SLC26A7: variants seen among roughly 807,000 people sequenced by gnomAD.
The protein encoded by SLC26A7 is anion exchange transporter.
Under a neutral mutation model 82.5 loss-of-function variants are expected in SLC26A7, and 59 were observed. That is an observed-to-expected ratio of 0.72 (90% CI 0.58 to 0.89). SLC26A7 has a LOEUF of 0.89. SLC26A7 is among the 40% of genes least tolerant of loss of function. The pLI, the probability that SLC26A7 is intolerant of heterozygous loss-of-function variation, is 0.00. For missense variants in SLC26A7, 820 were observed against 793.0 expected (o/e 1.03, Z -0.41); for synonymous variants, 271 against 274.3 (o/e 0.99, Z 0.12).
rs1257841643 is a variant in SLC26A7, at chr8:91,334,404, T to C, written c.752T>C (p.Phe251Ser). 2 of 1,613,202 alleles carry C rather than the reference T, an allele frequency of 1.2e-6. No homozygotes were observed. Among genetic ancestry groups the C allele is most frequent in the East Asian group, 4.5e-5 (2 of 44,818 alleles). The change falls in exon 6 of 19, where the codon TTT (phenylalanine) becomes TCT (serine). Residue 251 changes from phenylalanine to serine, a missense_variant. Phe to Ser is a radical substitution (Grantham distance 155). Transcript: ENST00000276609. ...LVLVKELNEQ[F>S]KRKIKVVLPV... Reference sequence around the variant, plus strand: ...CTTGTTAAAGAGCTGAATGAACAGTTTAAAAGGAAAATTAAAGTTGTTCTT... The same window carrying C: ...CTTGTTAAAGAGCTGAATGAACAGTCTAAAAGGAAAATTAAAGTTGTTCTT...
chr8:91,376,015 T>A (rs1405692577), intron 15 of SLC26A7, among the ~76,000 whole-genome samples: 1 of 152,154 alleles, frequency 6.6e-6, no homozygotes, highest in East Asian at 1.9e-4. Flanking sequence ...CTTTTTTTTC[T>A]AGTATATTAT....
chr8:91,293,035 A>G (rs35159856), intron 3 of SLC26A7, among the ~76,000 whole-genome samples: 9,673 of 152,296 alleles, frequency 0.064, 366 homozygotes, highest in African/African-American at 0.098. Context: ...GACTTGAGAC[A>G]GTGTTTTTTT....
intron 15 of SLC26A7, among the ~76,000 whole-genome samples, chr8:91,373,761 C>T (rs535496531): frequency 6.6e-6 from 1 of 151,998 alleles, no homozygotes; most frequent in African/African-American, 2.4e-5. Flanking sequence ...AGAGGACTCT[C>T]TCTTCCTCAA....
chr8:91,334,962 T>C (rs1813199986), intron 6 of SLC26A7, among the ~76,000 whole-genome samples: 1 of 152,170 alleles, frequency 6.6e-6, no homozygotes, highest in African/African-American at 2.4e-5. Context: ...TAAAATATTT[T>C]TTTGTTGTAC....
At chr8:91,347,809 C>T (rs144380591) in intron 9 of SLC26A7, among the ~76,000 whole-genome samples, 120 of 152,252 alleles carry the variant, frequency 7.9e-4, no homozygotes, top group African/African-American at 2.9e-3. Flanking sequence ...ATGTGACACC[C>T]AAAGCATGCA....
At chr8:91,216,141 A>G (rs992480305) in intron 1 of SLC26A7, among the ~76,000 whole-genome samples, 1 of 152,222 alleles carries the variant, frequency 6.6e-6, no homozygotes, top group Non-Finnish European at 1.5e-5. Context: ...TCAAAGTTTC[A>G]TGTTCACTAT....
intron 2 of SLC26A7, among the ~76,000 whole-genome samples, chr8:91,288,781 A>C (rs571708887): frequency 6.6e-6 from 1 of 152,332 alleles, no homozygotes; most frequent in East Asian, 1.9e-4. Context: ...TATTGTGCAC[A>C]TAAAATTATA....
At chr8:91,380,028 T>A (rs576929839) in intron 15 of SLC26A7, among the ~76,000 whole-genome samples, 1 of 152,218 alleles carries the variant, frequency 6.6e-6, no homozygotes, top group South Asian at 2.1e-4. Context: ...CCAAAATATA[T>A]ACATATAGGA....
intron 11 of SLC26A7, among the ~76,000 whole-genome samples, chr8:91,358,335 T>C (rs1160848954): frequency 4.0e-5 from 6 of 150,430 alleles, no homozygotes; most frequent in East Asian, 1.9e-4. Flanking sequence ...TTTTCTTTTT[T>C]TTTTTTTTTT....
chr8:91,325,365 C>G (rs899799163), intron 5 of SLC26A7, among the ~76,000 whole-genome samples: 4 of 152,060 alleles, frequency 2.6e-5, no homozygotes, highest in Non-Finnish European at 5.9e-5. Context: ...TTCCTGAGTA[C>G]CCCCTGCACC....
At chr8:91,366,193 C>T (rs1239861652) in intron 13 of SLC26A7, among the ~76,000 whole-genome samples, 2 of 152,068 alleles carry the variant, frequency 1.3e-5, no homozygotes, top group African/African-American at 2.4e-5. Flanking sequence ...CTTTATAACA[C>T]ATTTTCATTA....
intron 2 of SLC26A7, among the ~76,000 whole-genome samples, chr8:91,265,492 A>G (rs1183150860): frequency 6.6e-6 from 1 of 152,014 alleles, no homozygotes; most frequent in African/African-American, 2.4e-5. Flanking sequence ...ATGCTAATTT[A>G]CTTTCCCACC....
chr8:91,216,779 A>G (rs1810055544), intron 1 of SLC26A7, among the ~76,000 whole-genome samples: 1 of 152,178 alleles, frequency 6.6e-6, no homozygotes, highest in Admixed American at 6.6e-5. Context: ...TGTGTCTGTC[A>G]TTCAAAAATA....
chr8:91,328,872 G>A (rs1813003053), intron 5 of SLC26A7, among the ~76,000 whole-genome samples: 1 of 152,000 alleles, frequency 6.6e-6, no homozygotes, highest in Non-Finnish European at 1.5e-5. Context: ...CCTCAAGATG[G>A]ATTGTTTATG....
intron 15 of SLC26A7, among the ~76,000 whole-genome samples, chr8:91,386,100 T>C (rs1199531182): frequency 6.6e-6 from 1 of 152,186 alleles, no homozygotes; most frequent in Non-Finnish European, 1.5e-5. Flanking sequence ...TTAGCCATGT[T>C]TGCCATGGCT....
chr8:91,341,965 G>C (rs189218753), intron 8 of SLC26A7, among the ~76,000 whole-genome samples: 1 of 152,020 alleles, frequency 6.6e-6, no homozygotes, highest in Non-Finnish European at 1.5e-5. Context: ...ACCTCACTCT[G>C]TTGGCCAGGC....
In SLC26A7 at chr8:91,338,229, A is replaced by G. The variant is rs144989855; in HGVS notation, c.875A>G (p.Gln292Arg). 2 of 1,601,958 alleles carry G rather than the reference A, an allele frequency of 1.2e-6. No individual in the cohort carries two copies. The highest frequency in any genetic ancestry group is 2.7e-5 in the African/African-American group (2 of 74,264). Reference sequence around the variant, plus strand: ...TTAGAAGTAGTTGGTCATATTCCACAAGGGTAATGTAGTCCTTTTTAAAAA... The same window carrying G: ...TTAGAAGTAGTTGGTCATATTCCACGAGGGTAATGTAGTCCTTTTTAAAAA... ...YGLEVVGHIP[Q>R]GIPSPRAPPM... The change falls in exon 7 of 19, where the codon CAA becomes CGA. Residue 292 changes from glutamine to arginine, a missense_variant. Physicochemically the swap from Gln to Arg is conservative, Grantham distance 43 (BLOSUM62 1). Coordinates refer to ENST00000276609, the MANE Select transcript of SLC26A7 (RefSeq NM_052832.4).
At chr8:91,227,229 T>G (rs1810250345) in intron 2 of SLC26A7, among the ~76,000 whole-genome samples, 1 of 152,236 alleles carries the variant, frequency 6.6e-6, no homozygotes, top group South Asian at 2.1e-4. Context: ...TTAAAGCAAC[T>G]GGAGAAATAA....
intron 15 of SLC26A7, among the ~76,000 whole-genome samples, chr8:91,374,385 GTT>G (rs35097006): frequency 7.0e-6 from 1 of 143,780 alleles, no homozygotes. Context: ...TCTTAACACT[GTT>G]TTTTTTTTTG....
Sources: allele counts gnomAD v4.1 joint callset (sites outside exome capture counted in the v4.1 genomes callset), GRCh38; gene constraint gnomAD v4.1.1; transcripts MANE v1.5; gene names NCBI Gene and HGNC (gene_info 2026-07-23, HGNC 2026-07-21).